PLPPR1: variants seen among roughly 807,000 people sequenced by gnomAD.
PLPPR1 encodes the protein phospholipid phosphatase related 1.
A neutral mutation model predicts 33.1 loss-of-function variants in PLPPR1; 10 were observed. The ratio of observed to expected loss-of-function variants is 0.30; its 90% confidence interval spans 0.19 to 0.51. The LOEUF is 0.51. Ranked by LOEUF, PLPPR1 falls within the 20% of genes least tolerant of loss-of-function variation. The pLI, the probability that PLPPR1 is intolerant of heterozygous loss-of-function variation, is 0.97. For missense variants in PLPPR1, 304 were observed against 408.1 expected (o/e 0.74, Z 2.20); for synonymous variants, 151 against 151.0 (o/e 1.00, Z 0.00).
rs142535277 is a variant in PLPPR1 at position 101,071,110 on chromosome 9, C to T, written c.-46+42008C>T. Among the ~76,000 whole-genome samples the T allele has an allele frequency of 6.9e-3, 1,047 of 152,112 alleles. 13 individuals carry two copies. The highest frequency in any genetic ancestry group is 0.024 in the African/African-American group (1,011 of 41,512). On this transcript the variant is annotated intron_variant, in intron 1 of 7. Coordinates refer to ENST00000374874, the MANE Select transcript of PLPPR1 (RefSeq NM_207299.2). ...TGGGGAGGCCGAGGGCTGCACTAAA[C>T]GCAGGGTAAGGCCAGTTTGGTGACA... is the stretch of plus-strand genomic sequence containing the variant.
chr9:101,235,338 A>C (rs1280157416), intron 2 of PLPPR1, among the ~76,000 whole-genome samples: 1 of 151,912 alleles, frequency 6.6e-6, no homozygotes, highest in Non-Finnish European at 1.5e-5. Flanking sequence ...TTTCACTCTC[A>C]TGACGGTTAG....
chr9:101,216,714 C>T (rs1826802887), intron 2 of PLPPR1, among the ~76,000 whole-genome samples: 1 of 152,054 alleles, frequency 6.6e-6, no homozygotes, highest in South Asian at 2.1e-4. Context: ...ACATCAGCAC[C>T]ATTGATATTT....
chr9:101,293,973 C>G (rs1402647799), intron 4 of PLPPR1, among the ~76,000 whole-genome samples: 7 of 151,808 alleles, frequency 4.6e-5, no homozygotes, highest in Non-Finnish European at 1.0e-4. Context: ...CTGAAGGAAA[C>G]AGAGACACAA....
At chr9:101,123,697 C>T (rs567438572) in intron 1 of PLPPR1, among the ~76,000 whole-genome samples, 1 of 152,272 alleles carries the variant, frequency 6.6e-6, no homozygotes, top group South Asian at 2.1e-4. Context: ...ATTTGCTCTG[C>T]TACTTGAGAT....
At chr9:101,253,149 G>A (rs10124241) in intron 2 of PLPPR1, among the ~76,000 whole-genome samples, 73,044 of 151,818 alleles carry the variant, frequency 0.48, 18,538 homozygotes, top group African/African-American at 0.65. Flanking sequence ...TGATAGCTGT[G>A]ATGAATTACA....
At chr9:101,290,343 T>C (rs1358366929) in intron 4 of PLPPR1, among the ~76,000 whole-genome samples, 1 of 152,180 alleles carries the variant, frequency 6.6e-6, no homozygotes, top group Non-Finnish European at 1.5e-5. Flanking sequence ...CTCTTGCAGT[T>C]TATGTAATTA....
At chr9:101,245,110 G>A (rs1013108879) in intron 2 of PLPPR1, among the ~76,000 whole-genome samples, 3 of 152,030 alleles carry the variant, frequency 2.0e-5, no homozygotes, top group Admixed American at 6.6e-5. Flanking sequence ...ACAATTTGGT[G>A]TTATCTTACA....
intron 1 of PLPPR1, among the ~76,000 whole-genome samples, chr9:101,099,814 CTAAATAA>C (rs1830873187): frequency 6.6e-6 from 1 of 152,102 alleles, no homozygotes; most frequent in African/African-American, 2.4e-5. Context: ...TGACAGTACA[CTAAATAA>C]ATATGGCTCA....
chr9:101,172,552 T>G (rs997802748), intron 1 of PLPPR1, among the ~76,000 whole-genome samples: 1 of 152,096 alleles, frequency 6.6e-6, no homozygotes, highest in Non-Finnish European at 1.5e-5. Context: ...CCCCTATGAT[T>G]ACTTACTCTA....
chr9:101,210,078 A>AT (rs1362347047), intron 2 of PLPPR1, among the ~76,000 whole-genome samples: 1 of 152,174 alleles, frequency 6.6e-6, no homozygotes, highest in Non-Finnish European at 1.5e-5. Context: ...TGTTACATAC[A>AT]TTTTTTTATG....
At chr9:101,180,094 TTATATATATATA>T (rs71507977) in intron 1 of PLPPR1, among the ~76,000 whole-genome samples, 35 of 62,014 alleles carry the variant, frequency 5.6e-4, no homozygotes, top group South Asian at 4.7e-3. Flanking sequence ...AAACTCTCCT[TTATATATATATA>T]TATATATATA....
At chr9:101,176,502 A>G (rs1826021565) in intron 1 of PLPPR1, among the ~76,000 whole-genome samples, 1 of 152,194 alleles carries the variant, frequency 6.6e-6, no homozygotes, top group Admixed American at 6.5e-5. Context: ...ACGACAAATA[A>G]CAATGCCACC....
intron 2 of PLPPR1, among the ~76,000 whole-genome samples, chr9:101,213,629 C>CA (rs1410838247): frequency 6.6e-6 from 1 of 152,072 alleles, no homozygotes; most frequent in African/African-American, 2.4e-5. Context: ...TATATCTTAG[C>CA]ATTTTGTTTA....
At chr9:101,119,457 G>C (rs575561702) in intron 1 of PLPPR1, among the ~76,000 whole-genome samples, 1 of 152,354 alleles carries the variant, frequency 6.6e-6, no homozygotes, top group Non-Finnish European at 1.5e-5. Context: ...TCCCTCTGGA[G>C]GTGATGGAAC....
chr9:101,266,292 A>G (rs1827992870), intron 2 of PLPPR1, among the ~76,000 whole-genome samples: 1 of 150,982 alleles, frequency 6.6e-6, no homozygotes, highest in Non-Finnish European at 1.5e-5. Flanking sequence ...GCCAGGCGTG[A>G]TGGCATGCAC....
chr9:101,228,688 A>AGAT (rs1827122400), intron 2 of PLPPR1, among the ~76,000 whole-genome samples: 1 of 152,160 alleles, frequency 6.6e-6, no homozygotes. Flanking sequence ...TAGGGAAATG[A>AGAT]GATTATTTAA....
rs74403693 is a variant in PLPPR1 at position 101,313,769 on chromosome 9, A to T, written c.813+795A>T. 2.8e-4 allele frequency among the ~76,000 whole-genome samples: 42 copies of T among 152,328 alleles called. No individual in the cohort carries two copies. The East Asian group carries it at 7.5e-3, about 27-fold the overall frequency. On this transcript the variant is annotated intron_variant, in intron 6 of 7. Coordinates refer to ENST00000374874, the MANE Select transcript of PLPPR1 (RefSeq NM_207299.2). The stretch of plus-strand genomic sequence containing the variant: ...TTGAAGTATAATAGGTATACAATAA[A>T]TGACACATCAAGTATACAATTTGAT...
rs117938795 is a variant in PLPPR1, at chr9:101,134,035, A to T, written c.-45-51415A>T. Among the ~76,000 whole-genome samples the T allele has an allele frequency of 4.1e-4, 63 of 152,358 alleles. 2 individuals are homozygous for T. In the East Asian group the frequency reaches 0.01, roughly 25 times the overall value. On this transcript the variant is annotated intron_variant, in intron 1 of 7. Transcript: ENST00000374874. ...GAACTGGCTCATGGAAAGCATTCAAATATTTGAATTACTAATATTCAAGGA... is the reference window on the plus strand; with the variant it reads ...GAACTGGCTCATGGAAAGCATTCAATTATTTGAATTACTAATATTCAAGGA...
At chr9:101,057,624 A>G (rs894653873) in intron 1 of PLPPR1, among the ~76,000 whole-genome samples, 1 of 152,164 alleles carries the variant, frequency 6.6e-6, no homozygotes, top group African/African-American at 2.4e-5. Context: ...ATATATTTAT[A>G]CTAATTTGCT....
Sources: allele counts gnomAD v4.1 joint callset (sites outside exome capture counted in the v4.1 genomes callset), GRCh38; gene constraint gnomAD v4.1.1; transcripts MANE v1.5; gene names NCBI Gene and HGNC (gene_info 2026-07-23, HGNC 2026-07-21).